The following GSE1 variants were observed in gnomAD, a reference collection of about 807,000 sequenced individuals.
GSE1 encodes the protein genetic suppressor element 1.
In GSE1, 32 loss-of-function variants were observed where a neutral mutation model predicts 112.6. The ratio of observed to expected loss-of-function variants is 0.28; its 90% CI spans 0.21 to 0.38. The LOEUF (loss-of-function observed/expected upper bound fraction) is 0.38. GSE1 is among the 10% of genes least tolerant of loss of function. GSE1 has a pLI of 1.00. For missense variants in GSE1, 2,348 were observed against 1,699.2 expected (o/e 1.38, Z -6.71); for synonymous variants, 1,115 against 735.6 (o/e 1.52, Z -8.35).
intron 2 of GSE1, among the ~76,000 whole-genome samples, chr16:85,380,560 C>A (rs575488919): frequency 7.2e-6 from 1 of 138,634 alleles, no homozygotes; most frequent in Non-Finnish European, 1.5e-5. Context: ...CACTGCCCGC[C>A]GGGGGAGGCC....
At chr16:85,604,048 G>A (rs2047578652) in intron 1 of GSE1, among the ~76,000 whole-genome samples, 1 of 152,184 alleles carries the variant, frequency 6.6e-6, no homozygotes. Context: ...GAGGCCCCAG[G>A]AAATTTACAA....
intron 2 of GSE1, among the ~76,000 whole-genome samples, chr16:85,416,617 C>T (rs1024456293): frequency 6.6e-6 from 1 of 152,214 alleles, no homozygotes; most frequent in Non-Finnish European, 1.5e-5. Flanking sequence ...ACATCCTGTA[C>T]ATTTCAGCAG....
chr16:85,608,748 C>G (rs1287701322), upstream of GSE1, among the ~76,000 whole-genome samples: 1 of 152,220 alleles, frequency 6.6e-6, no homozygotes, highest in African/African-American at 2.4e-5. Flanking sequence ...GTGACATGCG[C>G]TGAGCAGCGC....
At chr16:85,668,713 G>A (rs2053087416) in intron 14 of GSE1, among the ~76,000 whole-genome samples, 2 of 152,210 alleles carry the variant, frequency 1.3e-5, no homozygotes, top group Admixed American at 1.3e-4. Context: ...CAGTGCTGAT[G>A]TCGGCCTCAG....
intron 1 of GSE1, among the ~76,000 whole-genome samples, chr16:85,346,255 G>A (rs984566880): frequency 7.3e-5 from 11 of 150,942 alleles, no homozygotes; most frequent in Admixed American, 2.6e-4. Context: ...TGGATGGATG[G>A]ATGATGGATG....
At chr16:85,396,340 C>T (rs79334509) in intron 2 of GSE1, among the ~76,000 whole-genome samples, 5,518 of 152,316 alleles carry the variant, frequency 0.036, 170 homozygotes, top group East Asian at 0.19. Flanking sequence ...AATATTAGGC[C>T]GTGGCCCAGC....
intron 1 of GSE1, among the ~76,000 whole-genome samples, chr16:85,217,655 T>C (rs1372315201): frequency 6.6e-6 from 1 of 152,214 alleles, no homozygotes; most frequent in Non-Finnish European, 1.5e-5. Context: ...GGACAGGGCC[T>C]GTGGGAGGAA....
rs963578929 is a variant in GSE1, at chr16:85,463,226, A to G, written c.2464+105583A>G. On this transcript the variant is annotated intron_variant, in intron 2 of 2. Transcript: ENST00000637419. ...ACCCGGGGCTGGAACCTGGCCCCGC[A>G]CTCACCCAGCCTCGCCCTCCAGCCC... is the stretch of plus-strand genomic sequence containing the variant. 108 of 469,586 alleles carry G rather than the reference A, an allele frequency of 2.3e-4. 1 individual carries two copies. Among genetic ancestry groups the G allele is most frequent in the Non-Finnish European group, 2.7e-4 (97 of 358,276 alleles). The allele number at this position is 469,586 out of a possible 1,614,324, so 29.1% of individuals were successfully genotyped here.
chr16:85,606,873 A>G (rs1477287703), upstream of GSE1, among the ~76,000 whole-genome samples: 1 of 152,130 alleles, frequency 6.6e-6, no homozygotes, highest in Non-Finnish European at 1.5e-5. Flanking sequence ...TCTGCCCCCC[A>G]TCAAGGGTCC....
chr16:85,356,932 C>T (rs1016943619), intron 1 of GSE1, among the ~76,000 whole-genome samples: 3 of 152,210 alleles, frequency 2.0e-5, no homozygotes, highest in African/African-American at 7.2e-5. Flanking sequence ...AGAGCATCCC[C>T]CGGGGGTACT....
At chr16:85,331,970 A>C (rs2046385030) in intron 1 of GSE1, among the ~76,000 whole-genome samples, 1 of 152,052 alleles carries the variant, frequency 6.6e-6, no homozygotes, top group East Asian at 1.9e-4. Flanking sequence ...GGGTGTGTAC[A>C]CCTGAATCAC....
Position 85,663,565 on chromosome 16 carries a change from G to C in GSE1, c.2595G>C (p.Lys865Asn). 6.2e-7 allele frequency: 1 copy of C among 1,614,014 alleles called. No homozygotes were observed. Among genetic ancestry groups the C allele is most frequent in the Non-Finnish European group, 8.5e-7 (1 of 1,180,030 alleles). The change falls in exon 11 of 16, where the codon AAG (lysine) becomes AAC (asparagine). Residue 865 changes from lysine (K) to asparagine (N), a missense_variant. Coordinates refer to ENST00000253458, the MANE Select transcript of GSE1 (RefSeq NM_014615.5). ...GTCCCAACTTCGAAGAAAAGAAGAAGTTCCTGACCATCTTCAACCTGACCC... is the reference window on the plus strand; with the variant it reads ...GTCCCAACTTCGAAGAAAAGAAGAACTTCCTGACCATCTTCAACCTGACCC... ...NNSPNFEEKK[K>N]FLTIFNLTHI...
chr16:85,595,306 A>G (rs1034421125), intron 1 of GSE1: 6 of 152,226 alleles, frequency 3.9e-5, no homozygotes, highest in African/African-American at 1.2e-4. Context: ...TCCTCTGGAG[A>G]AACTCAGGAA....
At chr16:85,488,602 G>C (rs1224518123) in intron 2 of GSE1, among the ~76,000 whole-genome samples, 1 of 152,086 alleles carries the variant, frequency 6.6e-6, no homozygotes, top group Non-Finnish European at 1.5e-5. Context: ...CAGGTTCTCG[G>C]TGAAAAGTGC....
chr16:85,188,252 G>C lies in GSE1; in HGVS notation c.2283+16445G>C, dbSNP rs548188246. Among the ~76,000 whole-genome samples, 62 of 142,070 alleles carry C rather than the reference G, an allele frequency of 4.4e-4. 3 individuals are homozygous for C. The highest frequency in any genetic ancestry group is 3.3e-4 in the Non-Finnish European group (21 of 64,594). The allele number at this position is 142,070 out of a possible 152,430, so 93.2% of individuals were successfully genotyped here. On this transcript the variant is annotated intron_variant, in intron 1 of 2. Transcript: ENST00000637419. ...GCTGGGCACTGGGCAGCAGTCAGCG[G>C]GCACCTGCTGCCTGACCGTCTGTCT... is the stretch of plus-strand genomic sequence containing the variant.
chr16:85,601,447 C>T (rs2047460436), intron 1 of GSE1, among the ~76,000 whole-genome samples: 1 of 152,008 alleles, frequency 6.6e-6, no homozygotes, highest in Non-Finnish European at 1.5e-5. Flanking sequence ...AGCTCAAAGA[C>T]AGGCCAGAGG....
intron 1 of GSE1, among the ~76,000 whole-genome samples, chr16:85,287,956 T>G (rs1352553679): frequency 6.6e-6 from 1 of 152,140 alleles, no homozygotes. Flanking sequence ...ATAAGCGCTA[T>G]TGGCCGGGCA....
intron 1 of GSE1, among the ~76,000 whole-genome samples, chr16:85,276,260 T>G (rs1051393312): frequency 1.1e-4 from 16 of 152,260 alleles, no homozygotes; most frequent in Non-Finnish European, 1.5e-4. Context: ...CTGAACTGTT[T>G]GAGCACCTGA....
chr16:85,224,347 C>T (rs1460295503), intron 1 of GSE1, among the ~76,000 whole-genome samples: 6 of 126,594 alleles, frequency 4.7e-5, no homozygotes, highest in African/African-American at 1.2e-4. Flanking sequence ...CACACAGGGG[C>T]GGATTCCAGG....
Sources: gnomAD v4.1 joint callset for allele counts (sites outside exome capture counted in the v4.1 genomes callset) on GRCh38, gnomAD v4.1.1 for gene constraint, MANE v1.5 for transcripts, NCBI Gene and HGNC (gene_info 2026-07-23, HGNC 2026-07-21) for gene names.